Variants in COL22A1 observed in about 807,000 individuals in gnomAD.
The protein encoded by COL22A1 is collagen type XXII alpha 1 chain.
A neutral mutation model predicts 248.9 loss-of-function variants in COL22A1; 221 were observed. That is an observed-to-expected ratio of 0.89 (90% CI 0.80 to 0.99). COL22A1 has a LOEUF of 0.99. COL22A1 is among the 50% of genes least tolerant of loss of function. The pLI, the probability that COL22A1 is intolerant of heterozygous loss-of-function variation, is 0.00. For synonymous variants in COL22A1, 891 were observed against 793.4 expected, an observed-to-expected ratio of 1.12 and a Z score of -2.07; for missense variants, 2,240 against 2,179.0, an observed-to-expected ratio of 1.03 and a Z score of -0.56.
intron 1 of COL22A1, among the ~76,000 whole-genome samples, chr8:138,897,461 A>G (rs931523984): frequency 6.6e-6 from 1 of 152,084 alleles, no homozygotes; most frequent in African/African-American, 2.4e-5. Flanking sequence ...AGGCAGGAGA[A>G]TCGCTTAAAC....
intron 5 of COL22A1, among the ~76,000 whole-genome samples, chr8:138,831,067 T>C (rs1322694078): frequency 1.3e-5 from 2 of 152,200 alleles, no homozygotes; most frequent in African/African-American, 4.8e-5. Context: ...AAGTGACTTG[T>C]CTCATTTCTT....
In COL22A1 at chr8:138,811,976, C is replaced by T. The variant is rs183939497; in HGVS notation, c.1327-55G>A. 6,581 of 1,489,614 alleles carry T rather than the reference C, an allele frequency of 4.4e-3. 61 individuals are homozygous for T. Among genetic ancestry groups the T allele is most frequent in the Non-Finnish European group, 3.3e-3 (3,706 of 1,118,202 alleles). 92.3% of individuals were successfully genotyped at this position (1,489,614 alleles called of 1,614,324 possible). A position where few individuals can be genotyped will look rare whatever the true frequency, so the allele number is the denominator to read the frequency against. On this transcript the variant is annotated intron_variant, in intron 8 of 64. Coordinates refer to ENST00000303045, the MANE Select transcript of COL22A1 (RefSeq NM_152888.3). ...TGGCTCTTCACTCAGCAGGCACTCC[C>T]TGGCAGAAGCACAGTGTCGGGTGCT...
At chr8:138,629,919 G>T (rs1479282560) in intron 50 of COL22A1, among the ~76,000 whole-genome samples, 1 of 152,094 alleles carries the variant, frequency 6.6e-6, no homozygotes. Context: ...CCCTGAACTG[G>T]CCATTTCACT....
At chr8:138,794,898 G>C (rs889661467) in intron 12 of COL22A1, among the ~76,000 whole-genome samples, 1 of 152,086 alleles carries the variant, frequency 6.6e-6, no homozygotes, top group African/African-American at 2.4e-5. Context: ...AGCTTCCAGG[G>C]GTTGGGGGAG....
At chr8:138,682,890 A>G (rs2130842375) in intron 39 of COL22A1, among the ~76,000 whole-genome samples, 1 of 152,250 alleles carries the variant, frequency 6.6e-6, no homozygotes, top group East Asian at 1.9e-4. Context: ...TAGTAGAGAC[A>G]GGGTTTCACC....
intron 23 of COL22A1, among the ~76,000 whole-genome samples, chr8:138,729,270 T>A (rs1256730478): frequency 6.6e-6 from 1 of 152,138 alleles, no homozygotes; most frequent in Non-Finnish European, 1.5e-5. Flanking sequence ...AGGACACGGG[T>A]CTCACCCTGC....
At chr8:138,862,026 T>TAAA (rs386414193) in intron 3 of COL22A1, among the ~76,000 whole-genome samples, 2,226 of 93,040 alleles carry the variant, frequency 0.024, 64 homozygotes, top group Middle Eastern at 0.029. Flanking sequence ...CTGTCTCTAC[T>TAAA]AAAAAAAAAA....
At chr8:138,850,287 G>A (rs2131897352) in intron 3 of COL22A1, among the ~76,000 whole-genome samples, 1 of 152,366 alleles carries the variant, frequency 6.6e-6, no homozygotes, top group South Asian at 2.1e-4. Context: ...TTAGGCAGGA[G>A]AGAGGGCATG....
chr8:138,744,827 A>G (rs898501519), intron 22 of COL22A1, among the ~76,000 whole-genome samples: 2 of 152,236 alleles, frequency 1.3e-5, no homozygotes, highest in Non-Finnish European at 2.9e-5. Flanking sequence ...CATTTTTAAA[A>G]TGCATTCTTA....
intron 32 of COL22A1, among the ~76,000 whole-genome samples, chr8:138,698,227 C>G (rs1301908690): frequency 1.3e-5 from 2 of 152,188 alleles, no homozygotes; most frequent in Non-Finnish European, 2.9e-5. Flanking sequence ...GTGGAAGGGA[C>G]AGGCAGTGTG....
intron 44 of COL22A1, among the ~76,000 whole-genome samples, chr8:138,656,225 C>T (rs187122730): frequency 3.6e-4 from 55 of 152,312 alleles, no homozygotes; most frequent in African/African-American, 1.3e-3. Flanking sequence ...TCTCTTCTCC[C>T]AGCTTTCCCT....
intron 3 of COL22A1, among the ~76,000 whole-genome samples, chr8:138,859,826 C>T (rs925148422): frequency 2.0e-5 from 3 of 152,168 alleles, no homozygotes; most frequent in Non-Finnish European, 2.9e-5. Context: ...TGTGAGCCGC[C>T]GCTGCATCCT....
chr8:138,593,088 G>A (rs1817223169), intron 63 of COL22A1, among the ~76,000 whole-genome samples: 1 of 152,130 alleles, frequency 6.6e-6, no homozygotes, highest in Non-Finnish European at 1.5e-5. Context: ...GAAGATGGAA[G>A]CCATGATTCT....
At chr8:138,758,859 G>A (rs750971515) in intron 18 of COL22A1, among the ~76,000 whole-genome samples, 1 of 152,006 alleles carries the variant, frequency 6.6e-6, no homozygotes, top group Non-Finnish European at 1.5e-5. Context: ...AAATATGAAG[G>A]GCCAAACCCA....
intron 31 of COL22A1, among the ~76,000 whole-genome samples, chr8:138,700,652 C>T (rs1827878936): frequency 6.6e-6 from 1 of 152,194 alleles, no homozygotes; most frequent in Non-Finnish European, 1.5e-5. Flanking sequence ...GGACTGGCCC[C>T]TGCAGGCTCC....
chr8:138,866,445 T>C (rs906148376), intron 3 of COL22A1, among the ~76,000 whole-genome samples: 4 of 152,232 alleles, frequency 2.6e-5, no homozygotes, highest in African/African-American at 9.6e-5. Flanking sequence ...ACAACTATCT[T>C]ATAGAGATTG....
chr8:138,764,547 A>T (rs932183404), intron 16 of COL22A1, among the ~76,000 whole-genome samples: 1 of 152,252 alleles, frequency 6.6e-6, no homozygotes, highest in Non-Finnish European at 1.5e-5. Context: ...TTTGGTTTGC[A>T]GGCCCCTGGC....
rs987474144 is a variant in COL22A1 at position 138,810,686 on chromosome 8, G to A, written c.1449+1113C>T. Among the ~76,000 whole-genome samples, 8 of 152,188 alleles carry A rather than the reference G, an allele frequency of 5.3e-5. No individual in the cohort carries two copies. In the South Asian group the frequency reaches 1.5e-3, roughly 28 times the overall value. ...TCCCCAAGGGTTCCCTGTACCTCACGGTCTGGCTTTCTGGGTAGCACAAAA... is the reference window on the plus strand; with the variant it reads ...TCCCCAAGGGTTCCCTGTACCTCACAGTCTGGCTTTCTGGGTAGCACAAAA... On this transcript the variant is annotated intron_variant, in intron 9 of 64. Coordinates refer to ENST00000303045, the MANE Select transcript of COL22A1 (RefSeq NM_152888.3).
chr8:138,695,248 T>G (rs1399918043), intron 32 of COL22A1, among the ~76,000 whole-genome samples: 1 of 152,170 alleles, frequency 6.6e-6, no homozygotes, highest in African/African-American at 2.4e-5. Flanking sequence ...GCCTGGCACA[T>G]GGTAGATCAT....
Sources: gnomAD v4.1 joint callset for allele counts (sites outside exome capture counted in the v4.1 genomes callset) on GRCh38, gnomAD v4.1.1 for gene constraint, MANE v1.5 for transcripts, NCBI Gene and HGNC (gene_info 2026-07-23, HGNC 2026-07-21) for gene names.